The following SYN3 variants were observed in gnomAD, a reference collection of about 807,000 sequenced individuals.
SYN3 encodes synapsin-3.
Under a neutral mutation model 65.8 loss-of-function variants are expected in SYN3, and 35 were observed. The ratio of observed to expected loss-of-function variants is 0.53; its 90% CI spans 0.41 to 0.70. The LOEUF is 0.70. Ranked by LOEUF, SYN3 falls within the 30% of genes least tolerant of loss-of-function variation. The pLI, the probability that SYN3 is intolerant of heterozygous loss-of-function variation, is 0.00. For missense variants in SYN3, 680 were observed against 749.0 expected (o/e 0.91, Z 1.08); for synonymous variants, 270 against 292.9 (o/e 0.92, Z 0.80).
intron 7 of SYN3, among the ~76,000 whole-genome samples, chr22:32,561,850 CA>C: frequency 6.6e-6 from 1 of 152,324 alleles, no homozygotes; most frequent in South Asian, 2.1e-4. Flanking sequence ...TTGGGGGAGG[CA>C]AATCTGTCTC....
At chr22:32,739,407 CG>C (rs2061376838) in intron 6 of SYN3, among the ~76,000 whole-genome samples, 2 of 150,218 alleles carry the variant, frequency 1.3e-5, no homozygotes, top group Admixed American at 6.6e-5. Context: ...TACCCAGTCT[CG>C]GGTATGTCTT....
rs181743880 is a variant in SYN3 at position 32,628,030 on chromosome 22, G to A, written c.712-31294C>T. 4.0e-3 allele frequency among the ~76,000 whole-genome samples: 608 copies of A among 152,094 alleles called. 3 individuals are homozygous for A. The highest frequency in any genetic ancestry group is 7.0e-3 in the Non-Finnish European group (478 of 67,986). On this transcript the variant is annotated intron_variant, in intron 6 of 13. Transcript: ENST00000358763. The stretch of plus-strand genomic sequence containing the variant: ...TTTTTAGTAGAGACGGGGTTTCACC[G>A]TGTTAGCTAGGATGGTCTCGATCTC...
chr22:32,696,101 A>T (rs573046052), intron 6 of SYN3, among the ~76,000 whole-genome samples: 1 of 152,280 alleles, frequency 6.6e-6, no homozygotes, highest in East Asian at 1.9e-4. Context: ...TCCAGTGCTG[A>T]TGTTCCTGGT....
intron 6 of SYN3, among the ~76,000 whole-genome samples, chr22:32,642,708 G>A (rs369880857): frequency 1.3e-5 from 2 of 152,066 alleles, no homozygotes; most frequent in Non-Finnish European, 2.9e-5. Flanking sequence ...GATTACAAGC[G>A]TGAGCCACCG....
At chr22:32,790,765 C>CA (rs11423835) in intron 6 of SYN3, among the ~76,000 whole-genome samples, 22,845 of 151,976 alleles carry the variant, frequency 0.15, 2,081 homozygotes, top group African/African-American at 0.26. Flanking sequence ...GACCGACCTG[C>CA]AAATTCCCGA....
chr22:32,737,948 A>T (rs2061355409), intron 6 of SYN3, among the ~76,000 whole-genome samples: 1 of 152,212 alleles, frequency 6.6e-6, no homozygotes, highest in Non-Finnish European at 1.5e-5. Flanking sequence ...CAGATGCAGG[A>T]GGACTGCCTG....
At chr22:32,935,509 G>A (rs1468328962) in intron 3 of SYN3, among the ~76,000 whole-genome samples, 1 of 147,898 alleles carries the variant, frequency 6.8e-6, no homozygotes, top group Non-Finnish European at 1.5e-5. Context: ...GGAGTGCAAC[G>A]GCGTGATCTC....
chr22:32,671,549 GCA>G lies in SYN3; in HGVS notation c.712-74815_712-74814del, dbSNP rs547071229. ...CACATACACACGCTCTCACGCAGGT[GCA>G]CACACACACACATGCTCTCAAACAA... is the stretch of plus-strand genomic sequence containing the variant. On this transcript the variant is annotated intron_variant, in intron 6 of 13. Transcript: ENST00000358763. Among the ~76,000 whole-genome samples the G allele has an allele frequency of 1.0e-3, 138 of 135,638 alleles. 1 individual carries two copies. Among genetic ancestry groups the G allele is most frequent in the Admixed American group, 1.7e-3 (23 of 13,708 alleles). 89.0% of individuals were successfully genotyped at this position (135,638 alleles called of 152,430 possible). A position where few individuals can be genotyped will look rare whatever the true frequency, so the allele number is the denominator to read the frequency against.
At chr22:32,905,178 T>C (rs146447049) in intron 4 of SYN3, among the ~76,000 whole-genome samples, 2 of 152,312 alleles carry the variant, frequency 1.3e-5, no homozygotes, top group East Asian at 1.9e-4. Flanking sequence ...CACTTAGTCA[T>C]TGAAATGAAG....
chr22:32,663,849 A>G (rs2060252321), intron 6 of SYN3, among the ~76,000 whole-genome samples: 1 of 152,218 alleles, frequency 6.6e-6, no homozygotes, highest in Non-Finnish European at 1.5e-5. Context: ...ATTAAATAGC[A>G]ATTAAAACAG....
chr22:32,565,060 CCAAACAGTGCTCCCTGACTGTACA>C lies in SYN3; in HGVS notation c.775-23371_775-23348del, dbSNP rs2058651891. Among the ~76,000 whole-genome samples, 5 of 149,202 alleles carry C rather than the reference CCAAACAGTGCTCCCTGACTGTACA, an allele frequency of 3.4e-5. No homozygotes were observed. The East Asian group carries it at 1.0e-3, about 30-fold the overall frequency. ...CCCAAACAGTGATCTCAGACTGCACCCAAACAGTGCTCCCTGACTGTACACAAACAGTGCTCCCGGACTGCACCC... is the reference window on the plus strand; with the variant it reads ...CCCAAACAGTGATCTCAGACTGCACCCAAACAGTGCTCCCGGACTGCACCC... On this transcript the variant is annotated intron_variant, in intron 7 of 13. Transcript: ENST00000358763.
At chr22:32,738,459 G>A (rs949827511) in intron 6 of SYN3, among the ~76,000 whole-genome samples, 2 of 152,186 alleles carry the variant, frequency 1.3e-5, no homozygotes, top group Non-Finnish European at 2.9e-5. Context: ...AATGCAAAGC[G>A]CCAAGATGAA....
intron 6 of SYN3, among the ~76,000 whole-genome samples, chr22:32,655,551 T>C (rs1185138882): frequency 6.6e-6 from 1 of 152,186 alleles, no homozygotes; most frequent in African/African-American, 2.4e-5. Flanking sequence ...GCCCGCACTC[T>C]GCCTCCTGTT....
At chr22:32,748,638 G>A (rs1479621069) in intron 6 of SYN3, among the ~76,000 whole-genome samples, 6 of 152,212 alleles carry the variant, frequency 3.9e-5, no homozygotes, top group African/African-American at 1.2e-4. Flanking sequence ...ATGTAACTTG[G>A]AAGGTGGTTA....
chr22:32,713,830 CAAAAA>C (rs5845019), intron 6 of SYN3, among the ~76,000 whole-genome samples: 1 of 105,856 alleles, frequency 9.4e-6, no homozygotes, highest in African/African-American at 3.1e-5. Flanking sequence ...GACCCCGTCT[CAAAAA>C]AAAAAAAAAA....
intron 1 of SYN3, among the ~76,000 whole-genome samples, chr22:33,028,008 T>G (rs1442587306): frequency 6.6e-6 from 1 of 152,178 alleles, no homozygotes; most frequent in Non-Finnish European, 1.5e-5. Flanking sequence ...CACAGGGAGA[T>G]GAAGTGCCTT....
In SYN3 at chr22:32,779,436, G is replaced by T. The variant is rs537965195; in HGVS notation, c.711+85479C>A. Among the ~76,000 whole-genome samples the T allele has an allele frequency of 2.0e-5, 3 of 152,220 alleles. 1 individual carries two copies. Among genetic ancestry groups the T allele is most frequent in the Admixed American group, 2.0e-4 (3 of 15,296 alleles). Reference sequence around the variant, plus strand: ...GATGGCGCCACTGCACTCCAGCCTGGGCAACAGCGTGAGATTCTGTCTCGA... The same window carrying T: ...GATGGCGCCACTGCACTCCAGCCTGTGCAACAGCGTGAGATTCTGTCTCGA... On this transcript the variant is annotated intron_variant, in intron 6 of 13. Coordinates refer to ENST00000358763, the MANE Select transcript of SYN3 (RefSeq NM_003490.4).
intron 7 of SYN3, among the ~76,000 whole-genome samples, chr22:32,582,693 T>C (rs9606986): frequency 0.47 from 70,993 of 151,886 alleles, 18,623 homozygotes; most frequent in East Asian, 0.68. Context: ...ATGTTCTGCA[T>C]TTTTAAGGGG....
intron 4 of SYN3, among the ~76,000 whole-genome samples, chr22:32,878,156 CTCA>C (rs2049030242): frequency 6.6e-6 from 1 of 152,290 alleles, no homozygotes; most frequent in Middle Eastern, 3.4e-3. Context: ...CCCTGAACCT[CTCA>C]TCATCACCTC....
Sources: allele counts gnomAD v4.1 joint callset (sites outside exome capture counted in the v4.1 genomes callset), GRCh38; gene constraint gnomAD v4.1.1; transcripts MANE v1.5; gene names NCBI Gene and HGNC (gene_info 2026-07-23, HGNC 2026-07-21).